Variants in SLC22A25 observed in about 807,000 individuals in gnomAD.
SLC22A25 encodes the protein MGI:2442751, MGI:2385316, MGI:3042283, MGI:3645714, MGI:3605624, MGI:2442750.
A neutral mutation model predicts 45.9 loss-of-function variants in SLC22A25; 44 were observed. That is an observed-to-expected ratio of 0.96 (90% confidence interval 0.75 to 1.23). The LOEUF (loss-of-function observed/expected upper bound fraction) is 1.23. Among genes scored for constraint, SLC22A25 ranks in the 50% most tolerant of loss-of-function variants. The probability of loss-of-function intolerance (pLI) is 0.00; values close to 1 mark genes in which losing one functional copy is unlikely to be tolerated. For synonymous variants in SLC22A25, 283 were observed against 238.6 expected, an observed-to-expected ratio of 1.19 and a Z score of -1.72; for missense variants, 800 against 666.4, an observed-to-expected ratio of 1.20 and a Z score of -2.21.
chr11:63,201,724 C>T (rs971768594), intron 7 of SLC22A25, among the ~76,000 whole-genome samples: 4 of 152,108 alleles, frequency 2.6e-5, no homozygotes, highest in African/African-American at 7.2e-5. Context: ...AACAGACAAC[C>T]TACAGAATGG....
intron 1 of SLC22A25, among the ~76,000 whole-genome samples, chr11:63,241,299 C>T (rs537277991): frequency 5.3e-5 from 8 of 152,148 alleles, no homozygotes; most frequent in Non-Finnish European, 1.2e-4. Flanking sequence ...ACAGAAGGAA[C>T]CCTGTTTGCT....
At position 63,230,005 on chromosome 11, in the gene SLC22A25, T is replaced by C. The variant is rs1243029297; in HGVS notation, c.-353A>G. On this transcript the variant is annotated 5_prime_UTR_variant, in exon 4 of 12. Coordinates refer to ENST00000306494, the MANE Select transcript of SLC22A25 (RefSeq NM_199352.6). ...GAACTTTGGTCTGCACATTTTTTTG[T>C]AAACAAACTAAAATAAATCTGCTAC... Among the ~76,000 whole-genome samples, 1 of 152,244 alleles carries C rather than the reference T, an allele frequency of 6.6e-6. No homozygotes were observed. Among genetic ancestry groups the C allele is most frequent in the Non-Finnish European group, 1.5e-5 (1 of 68,040 alleles).
intron 7 of SLC22A25, among the ~76,000 whole-genome samples, chr11:63,196,593 A>G (rs1359864700): frequency 2.0e-5 from 3 of 152,206 alleles, no homozygotes. Context: ...TTAGGTATTG[A>G]TGGGCTGTAT....
At position 63,219,892 on chromosome 11, in the gene SLC22A25, T is replaced by TA. The variant is rs1481144590; in HGVS notation, c.507-2158dup. On this transcript the variant is annotated intron_variant, in intron 5 of 11. Coordinates refer to ENST00000306494, the MANE Select transcript of SLC22A25 (RefSeq NM_199352.6). ...TCTGACTCTCAACTCTTTTAAGTGT[T>TA]ACTTTTACTGTCATACATTCAGGGT... is the stretch of plus-strand genomic sequence containing the variant. The TA allele has an allele frequency of 4.7e-6, 6 of 1,282,238 alleles. No individual in the cohort carries two copies. In the African/African-American group the frequency reaches 9.1e-5, roughly 20 times the overall value. 79.4% of individuals were successfully genotyped at this position (1,282,238 alleles called of 1,614,324 possible). A position where few individuals can be genotyped will look rare whatever the true frequency, so the allele number is the denominator to read the frequency against.
At chr11:63,228,119 T>C (rs1008792061) in intron 5 of SLC22A25, among the ~76,000 whole-genome samples, 5 of 152,226 alleles carry the variant, frequency 3.3e-5, no homozygotes, top group African/African-American at 1.2e-4. Context: ...AGGTGCATTT[T>C]TGTGTAGATA....
At chr11:63,196,596 G>A (rs1048465510) in intron 7 of SLC22A25, among the ~76,000 whole-genome samples, 1 of 151,970 alleles carries the variant, frequency 6.6e-6, no homozygotes, top group African/African-American at 2.4e-5. Context: ...GGTATTGATG[G>A]GCTGTATCTC....
chr11:63,220,825 G>C (rs1199483408), intron 5 of SLC22A25, among the ~76,000 whole-genome samples: 1 of 152,006 alleles, frequency 6.6e-6, no homozygotes, highest in Non-Finnish European at 1.5e-5. Context: ...CTATGTCCAT[G>C]AGTTTAATTG....
chr11:63,175,978 A>G (rs766142332), intron 9 of SLC22A25, among the ~76,000 whole-genome samples: 10 of 152,042 alleles, frequency 6.6e-5, no homozygotes, highest in African/African-American at 2.2e-4. Context: ...TGAAGAAACT[A>G]TCTTTTTCTA....
At chr11:63,226,688 G>A (rs1322226004) in intron 5 of SLC22A25, among the ~76,000 whole-genome samples, 1 of 152,210 alleles carries the variant, frequency 6.6e-6, no homozygotes, top group Non-Finnish European at 1.5e-5. Flanking sequence ...TCTACAATCA[G>A]GAGGTGGTGA....
intron 7 of SLC22A25, among the ~76,000 whole-genome samples, chr11:63,196,835 A>T (rs1033660931): frequency 6.6e-6 from 1 of 152,230 alleles, no homozygotes; most frequent in Non-Finnish European, 1.5e-5. Context: ...TGCAGATGAC[A>T]TGATTGTATA....
At chr11:63,236,583 G>A (rs1279277623) in intron 3 of SLC22A25, among the ~76,000 whole-genome samples, 1 of 152,116 alleles carries the variant, frequency 6.6e-6, no homozygotes, top group East Asian at 1.9e-4. Context: ...CTGACCCCTT[G>A]TGCTTCCTGG....
At chr11:63,180,094 G>T (rs776082858) in intron 9 of SLC22A25, among the ~76,000 whole-genome samples, 1 of 152,116 alleles carries the variant, frequency 6.6e-6, no homozygotes, top group Admixed American at 6.6e-5. Flanking sequence ...TTTTGGTTTC[G>T]TGCTCATCTG....
At chr11:63,230,947 A>C (rs191812297) in intron 3 of SLC22A25, among the ~76,000 whole-genome samples, 6 of 152,302 alleles carry the variant, frequency 3.9e-5, no homozygotes, top group Admixed American at 3.9e-4. Flanking sequence ...GATGGTTTCC[A>C]GCTTCATCCA....
intron 7 of SLC22A25, among the ~76,000 whole-genome samples, chr11:63,199,114 T>C (rs2089155958): frequency 6.6e-6 from 1 of 151,890 alleles, no homozygotes; most frequent in African/African-American, 2.4e-5. Flanking sequence ...TAATAAAGAT[T>C]CATTTTTTGA....
At position 63,163,616 on chromosome 11, in the gene SLC22A25, G is replaced by T. The variant is rs1262440604; in HGVS notation, c.*208C>A. On this transcript the variant is annotated 3_prime_UTR_variant, in exon 12 of 12. Coordinates refer to ENST00000306494, the MANE Select transcript of SLC22A25 (RefSeq NM_199352.6). The stretch of plus-strand genomic sequence containing the variant: ...GGAAGGGCAGAGGTCACCTAATTTT[G>T]GTCTTTTCACCACAAATTAACCTCC... Among the ~76,000 whole-genome samples, 4 of 151,938 alleles carry T rather than the reference G, an allele frequency of 2.6e-5. No individual in the cohort carries two copies. The highest frequency in any genetic ancestry group is 6.6e-5 in the Admixed American group (1 of 15,224).
At chr11:63,187,818 A>G (rs1224976268) in intron 7 of SLC22A25, among the ~76,000 whole-genome samples, 1 of 152,116 alleles carries the variant, frequency 6.6e-6, no homozygotes, top group Non-Finnish European at 1.5e-5. Flanking sequence ...GGTTTTTGTC[A>G]TTGGTTCTCT....
At chr11:63,185,163 G>A (rs10736725) in intron 7 of SLC22A25, among the ~76,000 whole-genome samples, 2 of 152,140 alleles carry the variant, frequency 1.3e-5, no homozygotes, top group Non-Finnish European at 2.9e-5. Context: ...ATACTTTAAG[G>A]TTTAGGGTAC....
intron 7 of SLC22A25, among the ~76,000 whole-genome samples, chr11:63,188,110 A>T (rs1184914061): frequency 6.6e-6 from 1 of 152,208 alleles, no homozygotes. Context: ...GAATAGTTTC[A>T]GAAGGAATGA....
At chr11:63,166,010 C>T (rs761571119) in intron 10 of SLC22A25, 34 bp downstream of exon 10, 3 of 1,606,232 alleles carry the variant, frequency 1.9e-6, no homozygotes, top group South Asian at 1.1e-5. Flanking sequence ...GAGGGAAAGA[C>T]ATTTTCTTTC....
Sources: allele counts gnomAD v4.1 joint callset (sites outside exome capture counted in the v4.1 genomes callset), GRCh38; gene constraint gnomAD v4.1.1; transcripts MANE v1.5; gene names NCBI Gene and HGNC (gene_info 2026-07-23, HGNC 2026-07-21).